The following LUZP2 variants were observed in gnomAD, a reference collection of about 807,000 sequenced individuals.
The protein encoded by LUZP2 is leucine zipper protein 2.
A neutral mutation model predicts 51.6 loss-of-function variants in LUZP2; 52 were observed. That is an observed-to-expected ratio of 1.01 (90% confidence interval 0.81 to 1.27). The LOEUF (loss-of-function observed/expected upper bound fraction) is 1.27. Ranked by LOEUF, LUZP2 falls within the 50% of genes most tolerant of loss-of-function variation. LUZP2 has a pLI of 0.00. For synonymous variants in LUZP2, 154 were observed against 137.3 expected (o/e 1.12, Z -0.85); for missense variants, 436 against 395.4 (o/e 1.10, Z -0.87).
intron 7 of LUZP2, among the ~76,000 whole-genome samples, chr11:24,959,372 A>T (rs992949653): frequency 3.2e-4 from 48 of 152,138 alleles, no homozygotes; most frequent in African/African-American, 9.6e-4. Flanking sequence ...TGATATTGAT[A>T]CTTCCTACCC....
intron 9 of LUZP2, among the ~76,000 whole-genome samples, chr11:25,000,926 G>A (rs2133942553): frequency 6.7e-6 from 1 of 148,260 alleles, no homozygotes; most frequent in Non-Finnish European, 1.5e-5. Flanking sequence ...AGAGTGTGTG[G>A]TAGTAGGATA....
At chr11:24,792,283 T>C (rs2134097240) in intron 5 of LUZP2, among the ~76,000 whole-genome samples, 1 of 151,990 alleles carries the variant, frequency 6.6e-6, no homozygotes, top group African/African-American at 2.4e-5. Flanking sequence ...AAAAATTAGC[T>C]GGGCATGGTG....
chr11:24,927,366 A>G (rs1854309706), intron 7 of LUZP2, among the ~76,000 whole-genome samples: 1 of 151,914 alleles, frequency 6.6e-6, no homozygotes, highest in Non-Finnish European at 1.5e-5. Flanking sequence ...TTCCAATGTT[A>G]TCCTCTAGAA....
chr11:24,830,694 G>T (rs1160219602), intron 5 of LUZP2, among the ~76,000 whole-genome samples: 2 of 152,068 alleles, frequency 1.3e-5, no homozygotes, highest in Non-Finnish European at 2.9e-5. Context: ...GAATCTTGCT[G>T]CTTGTAAGAA....
intron 5 of LUZP2, among the ~76,000 whole-genome samples, chr11:24,863,165 T>C (rs930762347): frequency 7.2e-5 from 11 of 152,144 alleles, no homozygotes; most frequent in African/African-American, 2.7e-4. Context: ...ATGTTAAATA[T>C]AGAATGACCA....
chr11:25,066,928 T>A (rs763511876), intron 10 of LUZP2, among the ~76,000 whole-genome samples: 1 of 152,014 alleles, frequency 6.6e-6, no homozygotes, highest in Non-Finnish European at 1.5e-5. Flanking sequence ...TGACATAGCA[T>A]AATCCTCAAA....
intron 5 of LUZP2, among the ~76,000 whole-genome samples, chr11:24,793,979 T>C (rs541140608): frequency 2.6e-5 from 4 of 152,272 alleles, no homozygotes; most frequent in African/African-American, 7.2e-5. Context: ...GTAATCTTTC[T>C]AATATTGAGT....
At chr11:24,602,604 G>A (rs1014025700) in intron 1 of LUZP2, among the ~76,000 whole-genome samples, 3 of 151,518 alleles carry the variant, frequency 2.0e-5, no homozygotes, top group African/African-American at 7.3e-5. Flanking sequence ...CAGATATCAT[G>A]TGTTGAATTT....
intron 1 of LUZP2, among the ~76,000 whole-genome samples, chr11:24,535,197 C>T (rs1460985044): frequency 1.3e-5 from 2 of 150,480 alleles, no homozygotes; most frequent in Non-Finnish European, 3.0e-5. Context: ...TCCTGTTTTG[C>T]TAGTGGAAAG....
At chr11:24,717,943 C>T (rs1329881414) in intron 1 of LUZP2, among the ~76,000 whole-genome samples, 1 of 152,168 alleles carries the variant, frequency 6.6e-6, no homozygotes, top group Non-Finnish European at 1.5e-5. Flanking sequence ...TTTATGACCG[C>T]ATAGTATTCT....
chr11:24,956,739 A>G (rs1368336900), intron 7 of LUZP2, among the ~76,000 whole-genome samples: 15 of 152,092 alleles, frequency 9.9e-5, no homozygotes, highest in Non-Finnish European at 2.1e-4. Flanking sequence ...GTAGTGAGAA[A>G]AAGATGAACA....
intron 1 of LUZP2, among the ~76,000 whole-genome samples, chr11:24,680,206 C>G (rs1856687192): frequency 6.6e-6 from 1 of 152,214 alleles, no homozygotes; most frequent in Non-Finnish European, 1.5e-5. Context: ...AAGAAAGGCA[C>G]AGAGTTGCTA....
intron 7 of LUZP2, among the ~76,000 whole-genome samples, chr11:24,965,664 T>A (rs556505739): frequency 1.3e-5 from 2 of 151,964 alleles, no homozygotes; most frequent in South Asian, 4.1e-4. Context: ...TACATATAAA[T>A]TTTTTAATTA....
intron 1 of LUZP2, among the ~76,000 whole-genome samples, chr11:24,678,364 G>T (rs1027175065): frequency 6.6e-6 from 1 of 152,112 alleles, no homozygotes; most frequent in African/African-American, 2.4e-5. Flanking sequence ...AAACCTTTCT[G>T]CTATGCAAGG....
chr11:24,781,892 A>C (rs1386245), intron 5 of LUZP2, among the ~76,000 whole-genome samples: 109,023 of 151,820 alleles, frequency 0.72, 39,946 homozygotes, highest in East Asian at 0.86. Flanking sequence ...TCTTACAAAA[A>C]ATGAATATTC....
intron 8 of LUZP2, among the ~76,000 whole-genome samples, chr11:24,978,016 C>T (rs1377161499): frequency 6.6e-6 from 1 of 151,298 alleles, no homozygotes; most frequent in Non-Finnish European, 1.5e-5. Flanking sequence ...ACTTATTTTG[C>T]AATAATTCAT....
chr11:24,509,127 G>A (rs1361382147), intron 1 of LUZP2, among the ~76,000 whole-genome samples: 1 of 152,150 alleles, frequency 6.6e-6, no homozygotes, highest in Non-Finnish European at 1.5e-5. Flanking sequence ...CTTGCCCGCT[G>A]TTTGCATGCT....
intron 9 of LUZP2, among the ~76,000 whole-genome samples, chr11:24,995,188 T>C (rs1291264810): frequency 1.3e-5 from 2 of 151,858 alleles, no homozygotes; most frequent in African/African-American, 4.8e-5. Flanking sequence ...AGCTCAAGAG[T>C]ATGAGACCAG....
intron 5 of LUZP2, among the ~76,000 whole-genome samples, chr11:24,770,391 CTA>C (rs1860361715): frequency 6.6e-6 from 1 of 152,154 alleles, no homozygotes; most frequent in South Asian, 2.1e-4. Context: ...CCCAGCTACT[CTA>C]TCTCAGTGGC....
Sources: allele counts gnomAD v4.1 joint callset (sites outside exome capture counted in the v4.1 genomes callset), GRCh38; gene constraint gnomAD v4.1.1; transcripts MANE v1.5; gene names NCBI Gene and HGNC (gene_info 2026-07-23, HGNC 2026-07-21).